GALNTL6: variants seen among roughly 807,000 people sequenced by gnomAD.
GALNTL6 encodes the protein polypeptide N-acetylgalactosaminyltransferase-like 6.
In GALNTL6, 46 loss-of-function variants were observed where a neutral mutation model predicts 73.7. The observed-to-expected ratio is 0.62, with a 90% CI of 0.49 to 0.80. The LOEUF (loss-of-function observed/expected upper bound fraction) is 0.80. GALNTL6 is among the 30% of genes least tolerant of loss of function. GALNTL6 has a pLI of 0.00. For synonymous variants in GALNTL6, 259 were observed against 263.7 expected (o/e 0.98, Z 0.17); for missense variants, 604 against 755.0 (o/e 0.80, Z 2.34).
chr4:172,280,191 C>G (rs766820442), intron 3 of GALNTL6, among the ~76,000 whole-genome samples: 8 of 152,126 alleles, frequency 5.3e-5, no homozygotes, highest in Non-Finnish European at 1.2e-4. Context: ...CACTAATTAG[C>G]TATATCCTTA....
Position 173,022,070 on chromosome 4 carries a change from GGAAGGAAGGAAGGAAGGAAA to G in GALNTL6, c.1638+497_1638+516del, listed in dbSNP as rs1753021480. 3.3e-4 allele frequency among the ~76,000 whole-genome samples: 23 copies of G among 70,072 alleles called. 1 individual carries two copies. The highest frequency in any genetic ancestry group is 8.2e-4 in the Admixed American group (5 of 6,128). The allele number at this position is 70,072 out of a possible 152,430, so 46.0% of individuals were successfully genotyped here. A position where few individuals can be genotyped will look rare whatever the true frequency, so the allele number is the denominator to read the frequency against. On this transcript the variant is annotated intron_variant, in intron 12 of 12. Transcript: ENST00000506823. ...AGGAAGGAAGGAAGGAAGGAAGGAAGGAAGGAAGGAAGGAAGGAAAGAAGGAAGGAAGGAAGGAAAGAAGG... is the reference window on the plus strand; with the variant it reads ...AGGAAGGAAGGAAGGAAGGAAGGAAGGAAGGAAGGAAGGAAGGAAAGAAGG...
rs147691077 is a variant in GALNTL6 at position 172,598,803 on chromosome 4, A to G, written c.554-210558A>G. 9.9e-4 allele frequency among the ~76,000 whole-genome samples: 151 copies of G among 152,260 alleles called. 1 individual carries two copies. Among genetic ancestry groups the G allele is most frequent in the African/African-American group, 3.5e-3 (146 of 41,564 alleles). ...TTTTGTGAGACTTGACATTTATTCT[A>G]TTATTTGCAGCATAAATGTTACCCA... On this transcript the variant is annotated intron_variant, in intron 5 of 12. Coordinates refer to ENST00000506823, the MANE Select transcript of GALNTL6 (RefSeq NM_001034845.3).
intron 5 of GALNTL6, among the ~76,000 whole-genome samples, chr4:172,400,327 T>C (rs1743994076): frequency 6.6e-6 from 1 of 152,172 alleles, no homozygotes; most frequent in Non-Finnish European, 1.5e-5. Context: ...TTCTAATACA[T>C]TTTAATTTTG....
At chr4:172,618,672 A>T (rs1214306828) in intron 5 of GALNTL6, among the ~76,000 whole-genome samples, 1 of 152,068 alleles carries the variant, frequency 6.6e-6, no homozygotes, top group African/African-American at 2.4e-5. Context: ...GTACCTAGAG[A>T]TGATGTGTTT....
At chr4:171,828,854 C>T (rs977117853) in intron 2 of GALNTL6, among the ~76,000 whole-genome samples, 4 of 152,024 alleles carry the variant, frequency 2.6e-5, no homozygotes, top group Non-Finnish European at 5.9e-5. Context: ...AGGCTGGTCT[C>T]GAACTCCTGA....
At chr4:172,320,326 C>T (rs1384966373) in intron 4 of GALNTL6, among the ~76,000 whole-genome samples, 1 of 152,094 alleles carries the variant, frequency 6.6e-6, no homozygotes, top group African/African-American at 2.4e-5. Flanking sequence ...GGTGTCTTTC[C>T]AGGAATGTTG....
intron 2 of GALNTL6, among the ~76,000 whole-genome samples, chr4:171,920,630 G>T (rs56783127): frequency 0.04 from 6,028 of 152,114 alleles, 346 homozygotes; most frequent in African/African-American, 0.12. Context: ...TTACAATGTA[G>T]TACATCAACT....
intron 5 of GALNTL6, among the ~76,000 whole-genome samples, chr4:172,448,158 A>G (rs1732094227): frequency 6.6e-6 from 1 of 152,178 alleles, no homozygotes; most frequent in African/African-American, 2.4e-5. Context: ...TGATTCTTCA[A>G]TTCATGAAGA....
Position 172,291,530 on chromosome 4 carries a change from T to C in GALNTL6, c.248-20084T>C, listed in dbSNP as rs1233176896. On this transcript the variant is annotated intron_variant, in intron 3 of 12. Coordinates refer to ENST00000506823, the MANE Select transcript of GALNTL6 (RefSeq NM_001034845.3). The stretch of plus-strand genomic sequence containing the variant: ...AATGCACCAGATTATTATATACTAG[T>C]TAGCTCAGTTTCTCTCAATATGTAG... Among the ~76,000 whole-genome samples the C allele has an allele frequency of 2.0e-5, 3 of 152,134 alleles. No individual in the cohort carries two copies. In the East Asian group the frequency reaches 5.8e-4, roughly 29 times the overall value.
chr4:172,582,312 T>G (rs1309324101), intron 5 of GALNTL6, among the ~76,000 whole-genome samples: 1 of 152,230 alleles, frequency 6.6e-6, no homozygotes, highest in East Asian at 1.9e-4. Flanking sequence ...TTAAACTTTC[T>G]GAGCCTTAGT....
intron 5 of GALNTL6, among the ~76,000 whole-genome samples, chr4:172,587,082 A>C (rs1413766802): frequency 6.6e-6 from 1 of 152,230 alleles, no homozygotes; most frequent in Non-Finnish European, 1.5e-5. Context: ...ATGAATGTGA[A>C]GAATGCCTAT....
intron 5 of GALNTL6, among the ~76,000 whole-genome samples, chr4:172,501,188 T>C (rs915113341): frequency 6.6e-6 from 1 of 152,240 alleles, no homozygotes; most frequent in Non-Finnish European, 1.5e-5. Context: ...ACTGCACTTA[T>C]GCAAGATGTT....
At chr4:172,222,570 A>AT (rs5864123) in intron 2 of GALNTL6, among the ~76,000 whole-genome samples, 61,432 of 151,600 alleles carry the variant, frequency 0.41, 12,677 homozygotes, top group African/African-American at 0.45. Flanking sequence ...TCGAAGCATT[A>AT]TCAATTACCA....
intron 5 of GALNTL6, among the ~76,000 whole-genome samples, chr4:172,648,396 T>C (rs937325861): frequency 4.6e-5 from 7 of 152,206 alleles, no homozygotes; most frequent in African/African-American, 1.7e-4. Flanking sequence ...AAGAATCTTT[T>C]ACTCTGATGA....
At chr4:172,298,613 T>C (rs1363611094) in intron 3 of GALNTL6, among the ~76,000 whole-genome samples, 3 of 152,242 alleles carry the variant, frequency 2.0e-5, no homozygotes, top group Non-Finnish European at 4.4e-5. Flanking sequence ...TTTCTGCATC[T>C]ATTGAGATAA....
At chr4:172,350,754 T>C (rs1200093286) in intron 5 of GALNTL6, among the ~76,000 whole-genome samples, 1 of 152,146 alleles carries the variant, frequency 6.6e-6, no homozygotes. Flanking sequence ...TAGGAAAGAC[T>C]CTTTTTCCAA....
chr4:171,840,361 A>G (rs1735206736), intron 2 of GALNTL6, among the ~76,000 whole-genome samples: 1 of 152,040 alleles, frequency 6.6e-6, no homozygotes, highest in Non-Finnish European at 1.5e-5. Context: ...AGCATCTCAC[A>G]GTCATACATG....
intron 2 of GALNTL6, among the ~76,000 whole-genome samples, chr4:171,951,300 T>C (rs898856506): frequency 3.9e-5 from 6 of 152,076 alleles, no homozygotes; most frequent in African/African-American, 1.4e-4. Context: ...TCCATAATAA[T>C]ATAACTTTAA....
intron 5 of GALNTL6, among the ~76,000 whole-genome samples, chr4:172,639,644 C>G (rs556921862): frequency 6.6e-6 from 1 of 152,054 alleles, no homozygotes; most frequent in East Asian, 1.9e-4. Flanking sequence ...TCTCTCTCCT[C>G]CAGCTCCCTG....
Sources: gnomAD v4.1 joint callset for allele counts (sites outside exome capture counted in the v4.1 genomes callset) on GRCh38, gnomAD v4.1.1 for gene constraint, MANE v1.5 for transcripts, NCBI Gene and HGNC (gene_info 2026-07-23, HGNC 2026-07-21) for gene names.